The following SLIT3 variants were observed in gnomAD, a reference collection of about 807,000 sequenced individuals.
SLIT3 encodes the protein slit homolog 3 protein.
In SLIT3, 68 loss-of-function variants were observed where a neutral mutation model predicts 184.0. That is an observed-to-expected ratio of 0.37 (90% CI 0.30 to 0.45). The LOEUF (loss-of-function observed/expected upper bound fraction) is 0.45, where lower values mean the gene tolerates loss of function less well. SLIT3 is among the 20% of genes least tolerant of loss of function. SLIT3 has a pLI of 1.00. For synonymous variants in SLIT3, 831 were observed against 828.6 expected (o/e 1.00, Z -0.05); for missense variants, 1,707 against 2,026.0 (o/e 0.84, Z 3.02).
chr5:168,759,079 A>G (rs1365271236), intron 16 of SLIT3, among the ~76,000 whole-genome samples: 1 of 152,162 alleles, frequency 6.6e-6, no homozygotes, highest in Non-Finnish European at 1.5e-5. Flanking sequence ...ATGACATCTC[A>G]TTGTGTACAT....
chr5:169,039,366 G>C (rs1421031529), intron 4 of SLIT3, among the ~76,000 whole-genome samples: 1 of 150,356 alleles, frequency 6.7e-6, no homozygotes, highest in African/African-American at 2.4e-5. Context: ...GCCCAGGCTG[G>C]AGTGCAGTGG....
chr5:169,018,504 G>C (rs773264152), intron 4 of SLIT3: 6 of 152,306 alleles, frequency 3.9e-5, no homozygotes, highest in Non-Finnish European at 5.9e-5. Flanking sequence ...GGTGAGAGGA[G>C]GATGCTGGAC....
intron 32 of SLIT3, among the ~76,000 whole-genome samples, chr5:168,681,852 G>A (rs774777841): frequency 6.6e-6 from 1 of 152,166 alleles, no homozygotes; most frequent in Non-Finnish European, 1.5e-5. Flanking sequence ...ACATGTCTGC[G>A]TAAAGGCTTA....
At chr5:168,940,727 T>A (rs957119851) in intron 4 of SLIT3, among the ~76,000 whole-genome samples, 8 of 152,194 alleles carry the variant, frequency 5.3e-5, no homozygotes, top group African/African-American at 1.4e-4. Flanking sequence ...CGGGACAGTT[T>A]TATTTGCTAA....
At chr5:168,824,156 C>T (rs1278242771) in intron 6 of SLIT3, among the ~76,000 whole-genome samples, 2 of 152,198 alleles carry the variant, frequency 1.3e-5, no homozygotes, top group Admixed American at 1.3e-4. Context: ...AGGCTGGGCT[C>T]AAACTCCTTG....
At chr5:169,143,414 A>G (rs1302295964) in intron 4 of SLIT3, among the ~76,000 whole-genome samples, 1 of 152,270 alleles carries the variant, frequency 6.6e-6, no homozygotes, top group Non-Finnish European at 1.5e-5. Context: ...TAGTACAGCT[A>G]GGATATAAAC....
At chr5:169,044,606 A>T (rs1472158665) in intron 4 of SLIT3, among the ~76,000 whole-genome samples, 1 of 151,600 alleles carries the variant, frequency 6.6e-6, no homozygotes, top group African/African-American at 2.4e-5. Flanking sequence ...GGATGGGGAG[A>T]AATTGTTAAT....
chr5:168,870,716 C>CT (rs1193683006), intron 5 of SLIT3, among the ~76,000 whole-genome samples: 1 of 152,122 alleles, frequency 6.6e-6, no homozygotes, highest in Non-Finnish European at 1.5e-5. Flanking sequence ...TTTTTCAAGC[C>CT]TTTTTTCTCC....
intron 7 of SLIT3, among the ~76,000 whole-genome samples, chr5:168,821,771 A>C (rs1489734795): frequency 5.9e-5 from 9 of 152,212 alleles, no homozygotes; most frequent in Admixed American, 5.9e-4. Context: ...TGAGGCAAGC[A>C]TTCATGAACT....
intron 3 of SLIT3, among the ~76,000 whole-genome samples, chr5:169,210,816 G>T (rs576414466): frequency 3.7e-4 from 56 of 152,304 alleles, no homozygotes; most frequent in African/African-American, 1.2e-3. Context: ...CAATTCTTCC[G>T]CACACTAGTA....
At chr5:169,193,309 C>A (rs115100414) in intron 4 of SLIT3, among the ~76,000 whole-genome samples, 170 bp downstream of exon 4, 2,101 of 152,214 alleles carry the variant, frequency 0.014, 54 homozygotes, top group African/African-American at 0.048. Context: ...AGAAGTCAGG[C>A]CTGGAAGTGT....
At chr5:168,768,124 T>TGGCGGCGGTGGC in intron 14 of SLIT3, 1 of 485,156 alleles carries the variant, frequency 2.1e-6, no homozygotes, top group Non-Finnish European at 4.2e-6. Context: ...CCAGCGGTGG[T>TGGCGGCGGTGGC]GGCGGCGGTG....
chr5:168,668,083 T>TGCCTGGGATCCTGGTG (rs1290124651), intron 35 of SLIT3, among the ~76,000 whole-genome samples: 2 of 152,170 alleles, frequency 1.3e-5, no homozygotes, highest in East Asian at 3.8e-4. Context: ...CGGGGTGGAC[T>TGCCTGGGATCCTGGTG]GCCTGGGATC....
At chr5:168,770,345 T>A (rs1182167861) in intron 14 of SLIT3, among the ~76,000 whole-genome samples, 1 of 152,178 alleles carries the variant, frequency 6.6e-6, no homozygotes, top group East Asian at 1.9e-4. Context: ...AGCTGTCTTT[T>A]CAATGGGGGT....
rs530227456 is a variant in SLIT3, at chr5:169,140,701, C to T, written c.413+52778G>A. Among the ~76,000 whole-genome samples, 7 of 152,114 alleles carry T rather than the reference C, an allele frequency of 4.6e-5. No individual in the cohort carries two copies. In the East Asian group the frequency reaches 7.8e-4, roughly 17 times the overall value. ...CCTGTAGCCCCAACCTCTCAGGAGGCTGAGGGGAGAATCTCTTGAGTCCAG... is the reference window on the plus strand; with the variant it reads ...CCTGTAGCCCCAACCTCTCAGGAGGTTGAGGGGAGAATCTCTTGAGTCCAG... On this transcript the variant is annotated intron_variant, in intron 4 of 35. Transcript: ENST00000519560.
intron 4 of SLIT3, among the ~76,000 whole-genome samples, chr5:168,943,646 T>G (rs1205142496): frequency 6.6e-6 from 1 of 152,110 alleles, no homozygotes; most frequent in African/African-American, 2.4e-5. Context: ...GAAAGTGCTT[T>G]GTAAAGCTAG....
At chr5:169,142,630 G>C (rs922323891) in intron 4 of SLIT3, among the ~76,000 whole-genome samples, 2 of 152,192 alleles carry the variant, frequency 1.3e-5, no homozygotes, top group African/African-American at 4.8e-5. Flanking sequence ...TGGGTCAACA[G>C]AACCCATAGG....
chr5:168,985,095 T>C (rs1755078812), intron 4 of SLIT3, among the ~76,000 whole-genome samples: 1 of 152,238 alleles, frequency 6.6e-6, no homozygotes, highest in Admixed American at 6.5e-5. Flanking sequence ...TGTTCTCTAC[T>C]AGACATGAAT....
chr5:168,891,350 G>A (rs1157713414), intron 4 of SLIT3, among the ~76,000 whole-genome samples: 1 of 152,174 alleles, frequency 6.6e-6, no homozygotes, highest in African/African-American at 2.4e-5. Context: ...CGGGGAGGCT[G>A]ACCTAGAAGG....
Sources: gnomAD v4.1 joint callset for allele counts (sites outside exome capture counted in the v4.1 genomes callset) on GRCh38, gnomAD v4.1.1 for gene constraint, MANE v1.5 for transcripts, NCBI Gene and HGNC (gene_info 2026-07-23, HGNC 2026-07-21) for gene names.